Variants in HCN1 observed in about 807,000 individuals in gnomAD.
The protein encoded by HCN1 is potassium/sodium hyperpolarization-activated cyclic nucleotide-gated channel 1.
Under a neutral mutation model 78.9 loss-of-function variants are expected in HCN1, and 13 were observed. That is an observed-to-expected ratio of 0.16 (90% confidence interval 0.11 to 0.26). The LOEUF is 0.26. Ranked by LOEUF, HCN1 falls within the 10% of genes least tolerant of loss-of-function variation. HCN1 has a pLI of 1.00. For synonymous variants in HCN1, 552 were observed against 455.5 expected (o/e 1.21, Z -2.70); for missense variants, 810 against 1,154.3 (o/e 0.70, Z 4.32).
intron 2 of HCN1, among the ~76,000 whole-genome samples, chr5:45,475,205 G>A (rs1490273409): frequency 6.6e-6 from 1 of 151,880 alleles, no homozygotes; most frequent in East Asian, 1.9e-4. Context: ...GTTAATTTAT[G>A]GTTATTGTCA....
chr5:45,498,224 A>C (rs531570659), intron 2 of HCN1, among the ~76,000 whole-genome samples: 87 of 152,260 alleles, frequency 5.7e-4, no homozygotes, highest in Middle Eastern at 3.4e-3. Flanking sequence ...CAGGTACACC[A>C]ATCAGATGTA....
intron 2 of HCN1, among the ~76,000 whole-genome samples, chr5:45,497,059 T>A (rs896238283): frequency 8.5e-5 from 13 of 152,218 alleles, no homozygotes; most frequent in African/African-American, 3.1e-4. Context: ...TGCACTGTGG[T>A]CTGAGAGATA....
At chr5:45,345,084 T>A (rs1037730207) in intron 5 of HCN1, among the ~76,000 whole-genome samples, 5 of 152,164 alleles carry the variant, frequency 3.3e-5, no homozygotes, top group African/African-American at 4.8e-5. Flanking sequence ...TCTTGACTTT[T>A]GTGACCCCCA....
chr5:45,685,354 A>G (rs966403387), intron 1 of HCN1, among the ~76,000 whole-genome samples: 1 of 152,240 alleles, frequency 6.6e-6, no homozygotes, highest in Non-Finnish European at 1.5e-5. Context: ...CCAAATGTTC[A>G]ATACGGTAGC....
intron 2 of HCN1, among the ~76,000 whole-genome samples, chr5:45,626,867 C>T (rs1043368379): frequency 6.6e-6 from 1 of 151,780 alleles, no homozygotes; most frequent in East Asian, 1.9e-4. Context: ...AAAAAAACCT[C>T]ACAGAGAAGG....
chr5:45,353,028 A>G, intron 5 of HCN1, 72 bp downstream of exon 5: 6 of 1,335,772 alleles, frequency 4.5e-6, no homozygotes, highest in Non-Finnish European at 6.4e-6. Context: ...AACGTGGACT[A>G]GAAGATTCTC....
At chr5:45,340,703 A>C (rs1028740456) in intron 5 of HCN1, among the ~76,000 whole-genome samples, 1 of 152,142 alleles carries the variant, frequency 6.6e-6, no homozygotes, top group Admixed American at 6.6e-5. Context: ...TGGAAGGTGC[A>C]TATTATGAAA....
In HCN1 at chr5:45,653,429, TA is replaced by T. The variant is rs563800299; in HGVS notation, c.426-7822del. 1.6e-3 allele frequency among the ~76,000 whole-genome samples: 238 copies of T among 152,256 alleles called. 6 individuals are homozygous for T. In the South Asian group the frequency reaches 0.049, roughly 31 times the overall value. ...CAATAATTTGATAAAGACTGCTTAA[TA>T]AACAGTCTCCAAAAATACTGTTTTA... On this transcript the variant is annotated intron_variant, in intron 1 of 7. Transcript: ENST00000303230.
chr5:45,369,639 TATA>T (rs1180452370), intron 4 of HCN1, among the ~76,000 whole-genome samples: 1 of 152,088 alleles, frequency 6.6e-6, no homozygotes, highest in African/African-American at 2.4e-5. Flanking sequence ...AATTTAAAAC[TATA>T]ATATTAGAAT....
intron 2 of HCN1, among the ~76,000 whole-genome samples, chr5:45,599,667 G>A (rs1419494327): frequency 6.6e-6 from 1 of 152,054 alleles, no homozygotes; most frequent in Non-Finnish European, 1.5e-5. Flanking sequence ...ATACTTCTTA[G>A]TTAGAAAAAT....
chr5:45,466,875 T>A (rs774224646), intron 2 of HCN1, among the ~76,000 whole-genome samples: 18 of 152,044 alleles, frequency 1.2e-4, no homozygotes, highest in Non-Finnish European at 1.8e-4. Context: ...ATGACTGCAG[T>A]CATTGGATGA....
chr5:45,263,274 G>A lies in HCN1; in HGVS notation c.1784-464C>T, dbSNP rs577528566. Among the ~76,000 whole-genome samples the A allele has an allele frequency of 2.6e-5, 4 of 152,202 alleles. No homozygotes were observed. The South Asian group carries it at 6.2e-4, about 24-fold the overall frequency. On this transcript the variant is annotated intron_variant, in intron 7 of 7. Coordinates refer to ENST00000303230, the MANE Select transcript of HCN1 (RefSeq NM_021072.4). The stretch of plus-strand genomic sequence containing the variant: ...ATGATTTTATGTAACCCGCGACCCT[G>A]TCAGATAGGTGTGTTCATAATCTCA...
At chr5:45,389,313 A>G (rs1747992153) in intron 4 of HCN1, among the ~76,000 whole-genome samples, 1 of 152,136 alleles carries the variant, frequency 6.6e-6, no homozygotes, top group Non-Finnish European at 1.5e-5. Flanking sequence ...CAAATATAAT[A>G]TAATTTCTTC....
chr5:45,398,335 A>G (rs942167350), intron 3 of HCN1, among the ~76,000 whole-genome samples: 16 of 152,124 alleles, frequency 1.1e-4, no homozygotes, highest in Admixed American at 3.9e-4. Context: ...CCCCAGAGGT[A>G]ACATGCTGCA....
intron 3 of HCN1, among the ~76,000 whole-genome samples, chr5:45,431,683 A>T (rs1370109951): frequency 6.6e-6 from 1 of 152,172 alleles, no homozygotes; most frequent in Non-Finnish European, 1.5e-5. Context: ...CCATTTATTG[A>T]CTAGGGAGTC....
chr5:45,313,429 GA>G (rs2111920837), intron 5 of HCN1, among the ~76,000 whole-genome samples: 1 of 152,300 alleles, frequency 6.6e-6, no homozygotes, highest in East Asian at 1.9e-4. Context: ...AAACAGAGCA[GA>G]AAAGCTAAAA....
intron 2 of HCN1, among the ~76,000 whole-genome samples, chr5:45,570,215 G>A (rs960270076): frequency 1.3e-5 from 2 of 150,306 alleles, no homozygotes; most frequent in African/African-American, 2.5e-5. Flanking sequence ...TTCCTCTCTC[G>A]CTTTCTTTTT....
intron 4 of HCN1, among the ~76,000 whole-genome samples, chr5:45,392,495 G>A (rs994414273): frequency 2.0e-5 from 3 of 152,004 alleles, no homozygotes; most frequent in Admixed American, 2.0e-4. Context: ...ATAGCTGAGA[G>A]AGTACTTACA....
At chr5:45,452,324 T>G (rs1205466102) in intron 3 of HCN1, among the ~76,000 whole-genome samples, 2 of 151,440 alleles carry the variant, frequency 1.3e-5, no homozygotes, top group African/African-American at 2.4e-5. Flanking sequence ...ATTTAGTTTT[T>G]TTTTTTTGTT....
Sources: gnomAD v4.1 joint callset for allele counts (sites outside exome capture counted in the v4.1 genomes callset) on GRCh38, gnomAD v4.1.1 for gene constraint, MANE v1.5 for transcripts, NCBI Gene and HGNC (gene_info 2026-07-23, HGNC 2026-07-21) for gene names.